Variants in ASB10 observed in about 807,000 individuals in gnomAD.
ASB10 encodes ankyrin repeat and SOCS box containing 10, also known as ankyrin repeat and SOCS box protein 10.
ASB10 carries 44 observed loss-of-function variants against 35.4 expected under a neutral mutation model. That is an observed-to-expected ratio of 1.24 (90% CI 0.98 to 1.60). The LOEUF (loss-of-function observed/expected upper bound fraction) is 1.60. ASB10 is among the 40% of genes most tolerant of loss of function. The probability of loss-of-function intolerance (pLI) is 0.00; values close to 1 mark genes in which losing one functional copy is unlikely to be tolerated. For synonymous variants in ASB10, 294 were observed against 280.4 expected (o/e 1.05, Z -0.49); for missense variants, 647 against 634.3 (o/e 1.02, Z -0.22).
At chr7:151,184,962 C>T (rs1431576582) in intron 2 of ASB10, among the ~76,000 whole-genome samples, 3 of 151,974 alleles carry the variant, frequency 2.0e-5, no homozygotes, top group African/African-American at 7.2e-5. Flanking sequence ...GCGGAGCTTG[C>T]AGTGAGCCGA....
intron 2 of ASB10, among the ~76,000 whole-genome samples, chr7:151,182,311 C>T (rs1801510606): frequency 6.6e-6 from 1 of 152,188 alleles, no homozygotes; most frequent in South Asian, 2.1e-4. Context: ...GGCATGGTGG[C>T]TCATGCCTAT....
At chr7:151,176,527 A>G (rs1018885291) in intron 4 of ASB10, 36 bp downstream of exon 4, 4 of 1,532,498 alleles carry the variant, frequency 2.6e-6, no homozygotes, top group Non-Finnish European at 3.5e-6. Flanking sequence ...TGGGACCAGG[A>G]TGAGAAGCTC....
chr7:151,182,257 C>T (rs1801509656), intron 2 of ASB10, among the ~76,000 whole-genome samples: 1 of 152,068 alleles, frequency 6.6e-6, no homozygotes, highest in African/African-American at 2.4e-5. Flanking sequence ...AGTGGGCACA[C>T]ATGGAAATGG....
intron 2 of ASB10, among the ~76,000 whole-genome samples, chr7:151,184,161 CCCA>C (rs1801543571): frequency 1.3e-5 from 2 of 151,888 alleles, no homozygotes; most frequent in African/African-American, 2.4e-5. Context: ...CACCTGTAAT[CCCA>C]GCACTTTGGG....
intron 3 of ASB10, among the ~76,000 whole-genome samples, chr7:151,177,012 G>A (rs1801402063): frequency 6.6e-6 from 1 of 152,220 alleles, no homozygotes; most frequent in Non-Finnish European, 1.5e-5. Flanking sequence ...AGGACACCAA[G>A]GATTGTGGGA....
chr7:151,185,124 T>G (rs1352588407), intron 2 of ASB10, among the ~76,000 whole-genome samples: 1 of 149,706 alleles, frequency 6.7e-6, no homozygotes, highest in African/African-American at 2.5e-5. Flanking sequence ...TTTTTTTTTT[T>G]TTTTTGTGAG....
At chr7:151,182,666 G>A (rs1394299174) in intron 2 of ASB10, among the ~76,000 whole-genome samples, 2 of 152,204 alleles carry the variant, frequency 1.3e-5, no homozygotes, top group Non-Finnish European at 2.9e-5. Flanking sequence ...TCACAGCAAC[G>A]TGTGTGCCTC....
rs183535667 is a variant in ASB10 at position 151,186,675 on chromosome 7, G to A, written c.317-16C>T. 2.2e-5 allele frequency: 35 copies of A among 1,587,880 alleles called. No individual in the cohort carries two copies. The highest frequency in any genetic ancestry group is 8.1e-5 in the African/African-American group (6 of 74,534). On this transcript the variant is annotated splice_polypyrimidine_tract_variant and intron_variant, in intron 1 of 5. Transcript: ENST00000420175. ...GACCAGAGTCCTAGGGAGGGGAGAC[G>A]TGGGCCTCAGATCCCCAGGGAAGGC... is the stretch of plus-strand genomic sequence containing the variant.
chr7:151,185,409 G>T (rs921225119), intron 2 of ASB10, among the ~76,000 whole-genome samples: 1 of 152,058 alleles, frequency 6.6e-6, no homozygotes, highest in Non-Finnish European at 1.5e-5. Context: ...GTGAGCCACC[G>T]TGCCCGGCCA....
intron 1 of ASB10, 69 bp from the exon 2 acceptor site, chr7:151,186,728 TG>T: frequency 6.5e-7 from 1 of 1,546,578 alleles, no homozygotes; most frequent in Non-Finnish European, 8.7e-7. Context: ...TGGGGTGAGG[TG>T]GGCAGAGGCA....
chr7:151,187,506 C>T (rs747842638), upstream of ASB10: 125 of 1,551,228 alleles, frequency 8.1e-5, 1 homozygote, highest in African/African-American at 1.1e-3. The surrounding 1 kb of genome is among the most constrained non-coding windows in gnomAD (Gnocchi z 5.3). Flanking sequence ...AGCAGCAGGT[C>T]GGCTGTGCTG....
Position 151,175,830 on chromosome 7 carries a change from G to C in ASB10, c.*137C>G. On this transcript the variant is annotated 3_prime_UTR_variant, in exon 6 of 6. Transcript: ENST00000420175. Reference sequence around the variant, plus strand: ...CGCTGTCGGTCCGCTTCTCTGCATTGGGAATTGCAGCATCCACACCTGCCT... The same window carrying C: ...CGCTGTCGGTCCGCTTCTCTGCATTCGGAATTGCAGCATCCACACCTGCCT... 1 of 456,638 alleles carries C rather than the reference G, an allele frequency of 2.2e-6. No individual in the cohort carries two copies. 28.3% of individuals were successfully genotyped at this position (456,638 alleles called of 1,614,324 possible).
At position 151,176,701 on chromosome 7, in the gene ASB10, G is replaced by A. The variant is rs1393526855; in HGVS notation, c.1105-25C>T. On this transcript the variant is annotated intron_variant, in intron 3 of 5. Transcript: ENST00000420175. ...CCTGTGGGAGGCAGAGGCATGTTGG[G>A]TCCTCAGTCAGTCCACACAGTGACC... is the stretch of plus-strand genomic sequence containing the variant. The A allele has an allele frequency of 2.7e-6, 4 of 1,493,916 alleles. No individual in the cohort carries two copies. The African/African-American group carries it at 5.6e-5, about 21-fold the overall frequency. 92.5% of individuals were successfully genotyped at this position (1,493,916 alleles called of 1,614,324 possible).
rs1172145949 is a variant in ASB10 at position 151,186,485 on chromosome 7, A to G, written c.491T>C (p.Val164Ala). Residue 164 changes from valine to alanine, a missense_variant, in exon 2 of 6, where the codon GTT (valine) becomes GCT (alanine). Val to Ala is a moderately conservative substitution (Grantham distance 64). Coordinates refer to ENST00000420175, the MANE Select transcript of ASB10 (RefSeq NM_001142459.2). ...EACAAGHTAC[V>A]HVLLVAGADP... ...GGCTCCTGCCACCAGCAGCACATGAACACAGGCAGTGTGGCCTGCAGCACA... is the reference window on the plus strand; with the variant it reads ...GGCTCCTGCCACCAGCAGCACATGAGCACAGGCAGTGTGGCCTGCAGCACA... The G allele has an allele frequency of 1.2e-6, 2 of 1,600,158 alleles. No homozygotes were observed. Among genetic ancestry groups the G allele is most frequent in the African/African-American group, 2.7e-5 (2 of 74,610 alleles).
In ASB10 at chr7:151,186,874, A is replaced by C; in HGVS notation, c.257T>G (p.Val86Gly). The C allele has an allele frequency of 6.2e-7, 1 of 1,613,310 alleles. No individual in the cohort carries two copies. Among genetic ancestry groups the C allele is most frequent in the Non-Finnish European group, 8.5e-7 (1 of 1,179,584 alleles). Residue 86 changes from valine (V) to glycine (G), a missense_variant, in exon 1 of 6, where the codon GTC becomes GGC. Physicochemically the swap from Val to Gly is moderately radical, Grantham distance 109. Transcript: ENST00000420175. ...DSSTGLAPDS[V>G]FDTSDPERWR... is the part of the protein sequence containing the mutation. ...TCGCTCTGGGTCGCTGGTATCAAAG[A>C]CGGAATCAGGAGCCAGGCCAGTACT...
At chr7:151,180,471 CTCTCCTGCATCTG>C (rs1302792873) in intron 3 of ASB10, among the ~76,000 whole-genome samples, 2 of 152,228 alleles carry the variant, frequency 1.3e-5, no homozygotes, top group East Asian at 3.9e-4. Context: ...CTTGGACAGC[CTCTCCTGCATCTG>C]TCACTGAACT....
chr7:151,181,589 A>G, intron 2 of ASB10, 131 bp from the exon 3 acceptor site: 2 of 1,340,396 alleles, frequency 1.5e-6, no homozygotes, highest in South Asian at 1.7e-5. Context: ...TCCTGGCACC[A>G]TTCTGCAAGA....
intron 2 of ASB10, among the ~76,000 whole-genome samples, chr7:151,184,866 C>G (rs1330394709): frequency 1.3e-5 from 2 of 151,656 alleles, no homozygotes; most frequent in East Asian, 4.0e-4. Context: ...ACTAAAAATA[C>G]AAAAAATTAG....
In ASB10 at chr7:151,180,935, A is replaced by T; in HGVS notation, c.1104+4T>A. 1 of 1,517,004 alleles carries T rather than the reference A, an allele frequency of 6.6e-7. No individual in the cohort carries two copies. The highest frequency in any genetic ancestry group is 8.8e-7 in the Non-Finnish European group (1 of 1,130,192). The allele number at this position is 1,517,004 out of a possible 1,614,324, so 94.0% of individuals were successfully genotyped here. A position where few individuals can be genotyped will look rare whatever the true frequency, so the allele number is the denominator to read the frequency against. On this transcript the variant is annotated splice_donor_region_variant and intron_variant, in intron 3 of 5. Coordinates refer to ENST00000420175, the MANE Select transcript of ASB10 (RefSeq NM_001142459.2). Reference sequence around the variant, plus strand: ...GGCCCTCCTGCTGCCTGCAGCCCCCATACCTTGGGGAGGGCCCCTGGCCAG... The same window carrying T: ...GGCCCTCCTGCTGCCTGCAGCCCCCTTACCTTGGGGAGGGCCCCTGGCCAG...
Sources: gnomAD v4.1 joint callset for allele counts (sites outside exome capture counted in the v4.1 genomes callset) on GRCh38, gnomAD v4.1.1 for gene constraint, Gnocchi (gnomAD v3.1) non-coding constraint, MANE v1.5 for transcripts, NCBI Gene and HGNC (gene_info 2026-07-23, HGNC 2026-07-21) for gene names.